The following TMEM132D variants were observed in gnomAD, a reference collection of about 807,000 sequenced individuals.
TMEM132D encodes transmembrane protein 132D.
A neutral mutation model predicts 62.3 loss-of-function variants in TMEM132D; 21 were observed. The ratio of observed to expected loss-of-function variants is 0.34; its 90% CI spans 0.24 to 0.49. The LOEUF is 0.49. Among genes scored for constraint, TMEM132D ranks in the 20% least tolerant of loss-of-function variants. The pLI, the probability that TMEM132D is intolerant of heterozygous loss-of-function variation, is 0.99. For synonymous variants in TMEM132D, 621 were observed against 575.6 expected (o/e 1.08, Z -1.13); for missense variants, 1,346 against 1,402.8 (o/e 0.96, Z 0.65).
At chr12:129,742,835 G>T (rs565940442) in intron 1 of TMEM132D, among the ~76,000 whole-genome samples, 35 of 152,348 alleles carry the variant, frequency 2.3e-4, no homozygotes, top group African/African-American at 7.0e-4. Context: ...ACTGATGAAA[G>T]TCCAGGTCTT....
intron 4 of TMEM132D, among the ~76,000 whole-genome samples, chr12:129,320,182 CTTCT>C (rs1333739851): frequency 6.6e-6 from 1 of 152,192 alleles, no homozygotes; most frequent in East Asian, 1.9e-4. Context: ...GTTCAACTCT[CTTCT>C]TTGTCAATCC....
At chr12:129,607,067 CTTTCTTT>C (rs1565920624) in intron 2 of TMEM132D, among the ~76,000 whole-genome samples, 2 of 144,884 alleles carry the variant, frequency 1.4e-5, no homozygotes, top group Admixed American at 1.4e-4. Context: ...TTCTTTCTTT[CTTTCTTT>C]TTTTTTTTTG....
At chr12:129,535,789 T>C (rs1260166561) in intron 2 of TMEM132D, among the ~76,000 whole-genome samples, 14 of 151,394 alleles carry the variant, frequency 9.2e-5, no homozygotes, top group African/African-American at 1.9e-4. Flanking sequence ...TGTGTGTGTG[T>C]GTGTGTGTGT....
intron 1 of TMEM132D, among the ~76,000 whole-genome samples, chr12:129,864,565 C>G (rs1446733709): frequency 6.6e-6 from 1 of 152,130 alleles, no homozygotes; most frequent in African/African-American, 2.4e-5. Flanking sequence ...AATTGGAGAC[C>G]TGCTGGAAGC....
intron 3 of TMEM132D, among the ~76,000 whole-genome samples, chr12:129,467,915 A>G (rs1053153868): frequency 6.6e-6 from 1 of 152,172 alleles, no homozygotes; most frequent in African/African-American, 2.4e-5. Context: ...GGATTAATCA[A>G]GCAGCTGTGT....
At chr12:129,887,943 G>A (rs977545730) in intron 1 of TMEM132D, among the ~76,000 whole-genome samples, 6 of 152,106 alleles carry the variant, frequency 3.9e-5, no homozygotes, top group Non-Finnish European at 7.3e-5. Context: ...TCATTTGTAA[G>A]CTGGGATTTT....
intron 5 of TMEM132D, among the ~76,000 whole-genome samples, chr12:129,166,029 G>C (rs1877536513): frequency 6.6e-6 from 1 of 152,196 alleles, no homozygotes; most frequent in African/African-American, 2.4e-5. Flanking sequence ...TATTATCGCT[G>C]TTTTGTGGGT....
At chr12:129,150,862 G>A (rs1877050485) in intron 5 of TMEM132D, among the ~76,000 whole-genome samples, 1 of 152,214 alleles carries the variant, frequency 6.6e-6, no homozygotes. Flanking sequence ...GTGGGGTTTG[G>A]CCTGCCAGGG....
At chr12:129,440,943 A>G (rs553960482) in intron 3 of TMEM132D, among the ~76,000 whole-genome samples, 1 of 152,312 alleles carries the variant, frequency 6.6e-6, no homozygotes, top group East Asian at 1.9e-4. Context: ...GGGTTTTTAG[A>G]TCGGATTTGC....
chr12:129,588,670 G>A (rs1275259026), intron 2 of TMEM132D, among the ~76,000 whole-genome samples: 2 of 150,496 alleles, frequency 1.3e-5, no homozygotes, highest in African/African-American at 4.9e-5. Flanking sequence ...CGCCTCCCAG[G>A]TTCACACCAT....
intron 4 of TMEM132D, among the ~76,000 whole-genome samples, chr12:129,222,927 A>C (rs1228543365): frequency 1.3e-5 from 2 of 152,136 alleles, no homozygotes; most frequent in Admixed American, 1.3e-4. Context: ...AAAAAAGGTA[A>C]CTCTGGGAAC....
intron 1 of TMEM132D, among the ~76,000 whole-genome samples, chr12:129,735,840 A>T (rs570430024): frequency 6.6e-6 from 1 of 152,306 alleles, no homozygotes; most frequent in East Asian, 1.9e-4. Context: ...CTTTGCAACC[A>T]TTTATCCATG....
chr12:129,239,556 T>C (rs1420666773), intron 4 of TMEM132D, among the ~76,000 whole-genome samples: 1 of 152,186 alleles, frequency 6.6e-6, no homozygotes, highest in Non-Finnish European at 1.5e-5. Context: ...TCTTTGCAGA[T>C]GTAGTCAAGT....
chr12:129,444,022 C>T (rs73151072), intron 3 of TMEM132D, among the ~76,000 whole-genome samples: 15,661 of 152,138 alleles, frequency 0.1, 1,325 homozygotes, highest in East Asian at 0.42. Flanking sequence ...ACTCCCCTTT[C>T]CCCAATAAAT....
In TMEM132D at chr12:129,903,224, GTT is replaced by G; in HGVS notation, c.79+35_79+36del. 6.5e-7 allele frequency: 1 copy of G among 1,550,050 alleles called. No homozygotes were observed. Among genetic ancestry groups the G allele is most frequent in the Admixed American group, 2.0e-5 (1 of 51,014 alleles). ...CTCCCACACACTCACTCCAGGCGAA[GTT>G]AGTCCCCGGGCCCTGGCGGCCGCGG... On this transcript the variant is annotated intron_variant, in intron 1 of 8. Transcript: ENST00000422113. The surrounding 1 kb of genome is among the most constrained non-coding windows in gnomAD (Gnocchi z 6.2).
intron 4 of TMEM132D, among the ~76,000 whole-genome samples, chr12:129,226,887 T>C (rs536598152): frequency 6.6e-6 from 1 of 152,318 alleles, no homozygotes; most frequent in African/African-American, 2.4e-5. Context: ...CAACCCCTGC[T>C]GTCTGGGAAT....
At chr12:129,148,826 G>GCCCCCCCCCT (rs1876988640) in intron 5 of TMEM132D, among the ~76,000 whole-genome samples, 1 of 112,062 alleles carries the variant, frequency 8.9e-6, no homozygotes, top group Non-Finnish European at 1.9e-5. Flanking sequence ...CCCTCACCCC[G>GCCCCCCCCCT]CCCCCACCCT....
chr12:129,523,568 A>T (rs1378442692), intron 3 of TMEM132D, among the ~76,000 whole-genome samples: 3 of 152,228 alleles, frequency 2.0e-5, no homozygotes, highest in Non-Finnish European at 4.4e-5. Flanking sequence ...GCGTGGCGGT[A>T]ACTCAGTGCC....
intron 2 of TMEM132D, among the ~76,000 whole-genome samples, chr12:129,533,245 T>G (rs549124478): frequency 1.3e-5 from 2 of 152,322 alleles, no homozygotes; most frequent in Admixed American, 1.3e-4. Context: ...GTTTAAAAAC[T>G]GGGAATCGCA....
Sources: allele counts gnomAD v4.1 joint callset (sites outside exome capture counted in the v4.1 genomes callset), GRCh38; gene constraint gnomAD v4.1.1; non-coding constraint Gnocchi (gnomAD v3.1); transcripts MANE v1.5; gene names NCBI Gene and HGNC (gene_info 2026-07-23, HGNC 2026-07-21).